The following FOCAD variants were observed in gnomAD, a reference collection of about 807,000 sequenced individuals.
FOCAD encodes the protein focadhesin, also known as KIAA1797.
In FOCAD, 198 loss-of-function variants were observed where a neutral mutation model predicts 225.6. The observed-to-expected ratio is 0.88, with a 90% confidence interval of 0.78 to 0.99. The LOEUF is 0.99. Among genes scored for constraint, FOCAD ranks in the 50% least tolerant of loss-of-function variants. The pLI, the probability that FOCAD is intolerant of heterozygous loss-of-function variation, is 0.00. For synonymous variants in FOCAD, 897 were observed against 755.0 expected (o/e 1.19, Z -3.08); for missense variants, 2,713 against 2,123.6 (o/e 1.28, Z -5.46).
intron 5 of FOCAD, among the ~76,000 whole-genome samples, chr9:20,750,022 G>A (rs1828404706): frequency 6.6e-6 from 1 of 152,130 alleles, no homozygotes; most frequent in South Asian, 2.1e-4. Flanking sequence ...GCTCTGTGCT[G>A]TTGATGATAT....
Position 20,929,360 on chromosome 9 carries a change from G to T in FOCAD, c.3081G>T (p.Lys1027Asn), listed in dbSNP as rs1175855098. Residue 1027 changes from lysine (K) to asparagine (N), a missense_variant and splice_region_variant, in exon 27 of 44, where the codon AAG becomes AAT. Lys to Asn is a moderately conservative substitution (Grantham distance 94, BLOSUM62 0). Transcript: ENST00000338382. ...TTTCTTTCTTTGGCATGTCCTAGAA[G>T]TCCTATTCTGGTGAAAACACAGCTA... Reference protein sequence around the residue: ...RGQLLSWFYYKSYSGENTASA... With the variant: ...RGQLLSWFYYNSYSGENTASA... The T allele has an allele frequency of 6.2e-7, 1 of 1,613,576 alleles. No homozygotes were observed. The highest frequency in any genetic ancestry group is 8.5e-7 in the Non-Finnish European group (1 of 1,179,530).
chr9:20,911,232 G>A (rs1173093078), intron 22 of FOCAD, among the ~76,000 whole-genome samples: 1 of 152,096 alleles, frequency 6.6e-6, no homozygotes, highest in Non-Finnish European at 1.5e-5. Flanking sequence ...TGAAAGTATG[G>A]AGAATGAGGA....
chr9:20,792,628 T>C (rs1383913099), intron 11 of FOCAD, among the ~76,000 whole-genome samples: 2 of 152,228 alleles, frequency 1.3e-5, no homozygotes, highest in Admixed American at 1.3e-4. Flanking sequence ...GGTATTTTAT[T>C]TTCTTTTTAC....
chr9:20,859,468 T>C (rs1828554905), intron 15 of FOCAD, among the ~76,000 whole-genome samples: 1 of 151,316 alleles, frequency 6.6e-6, no homozygotes, highest in Admixed American at 6.6e-5. Context: ...ACTTTGAAGA[T>C]TGTTGTTTTG....
At chr9:20,823,418 A>G (rs1270103444) in intron 15 of FOCAD, among the ~76,000 whole-genome samples, 3 of 152,072 alleles carry the variant, frequency 2.0e-5, no homozygotes, top group Non-Finnish European at 4.4e-5. Context: ...GAACTCTAGA[A>G]TATAGTTGCT....
chr9:20,813,681 A>C (rs1414515247), intron 11 of FOCAD, among the ~76,000 whole-genome samples: 1 of 152,158 alleles, frequency 6.6e-6, no homozygotes, highest in Admixed American at 6.6e-5. Context: ...TTCGGTGTGC[A>C]CCTGAGAGAG....
At chr9:20,981,745 T>C in intron 38 of FOCAD, 59 bp downstream of exon 38, 1 of 1,549,462 alleles carries the variant, frequency 6.5e-7, no homozygotes, top group Non-Finnish European at 8.7e-7. Context: ...TTTAAAGGCT[T>C]CTTGGCAAAG....
chr9:20,955,568 C>G (rs184057968), intron 35 of FOCAD, among the ~76,000 whole-genome samples: 96 of 145,034 alleles, frequency 6.6e-4, no homozygotes, highest in African/African-American at 2.3e-3. Flanking sequence ...TCTTTCTTCT[C>G]TCATAGCCCT....
chr9:20,887,047 A>G (rs544943951), intron 21 of FOCAD, among the ~76,000 whole-genome samples: 2 of 152,254 alleles, frequency 1.3e-5, no homozygotes, highest in African/African-American at 4.8e-5. Context: ...GATTCTAGAA[A>G]TACATTTGGA....
chr9:20,988,303 C>A, intron 40 of FOCAD, 29 bp from the exon 41 acceptor site: 5 of 1,376,386 alleles, frequency 3.6e-6, no homozygotes, highest in South Asian at 1.2e-5. Context: ...AAACCATGGT[C>A]TAGTAAGAAA....
At chr9:20,718,531 T>C (rs1825523704) in intron 3 of FOCAD, among the ~76,000 whole-genome samples, 2 of 152,226 alleles carry the variant, frequency 1.3e-5, no homozygotes, top group East Asian at 3.8e-4. Context: ...AGAAATAAAT[T>C]GATTTCCTTT....
At chr9:20,760,906 G>T (rs984178068) in intron 6 of FOCAD, among the ~76,000 whole-genome samples, 2 of 151,954 alleles carry the variant, frequency 1.3e-5, no homozygotes, top group Admixed American at 6.6e-5. Context: ...TATGAGTAGC[G>T]ATTCACAACT....
Position 20,839,426 on chromosome 9 carries a change from T to C in FOCAD, c.1920+16311T>C, listed in dbSNP as rs563860182. Among the ~76,000 whole-genome samples, 10 of 151,912 alleles carry C rather than the reference T, an allele frequency of 6.6e-5. No individual in the cohort carries two copies. In the East Asian group the frequency reaches 1.9e-3, roughly 29 times the overall value. On this transcript the variant is annotated intron_variant, in intron 15 of 43. Coordinates refer to ENST00000338382, the MANE Select transcript of FOCAD (RefSeq NM_001375567.1). ...GGTGTGCAGACCCGTGCCTGACTAA[T>C]TGTTTTTGTATTTTTTGTAGAGACT...
chr9:20,770,477 G>A (rs1311659793), intron 8 of FOCAD, among the ~76,000 whole-genome samples: 1 of 151,264 alleles, frequency 6.6e-6, no homozygotes, highest in African/African-American at 2.4e-5. Context: ...GAGGAGTGGC[G>A]AGATACTACA....
At chr9:20,710,964 C>G (rs754111421) in intron 1 of FOCAD, among the ~76,000 whole-genome samples, 1 of 152,210 alleles carries the variant, frequency 6.6e-6, no homozygotes, top group Non-Finnish European at 1.5e-5. Context: ...CAGAACACAG[C>G]TATAGTCATT....
intron 25 of FOCAD, among the ~76,000 whole-genome samples, chr9:20,924,713 A>T (rs535009295): frequency 1.3e-5 from 2 of 152,188 alleles, no homozygotes; most frequent in African/African-American, 4.8e-5. Flanking sequence ...CCAAAAAGGA[A>T]CAGGAAGTAT....
At chr9:20,664,978 G>C (rs1371433570) in intron 2 of FOCAD, among the ~76,000 whole-genome samples, 4 of 151,596 alleles carry the variant, frequency 2.6e-5, no homozygotes, top group Non-Finnish European at 5.9e-5. Context: ...ACAGAGAAAT[G>C]ATAAAACTAG....
Position 20,951,032 on chromosome 9 carries a change from A to G in FOCAD, c.3985A>G (p.Asn1329Asp). The change falls in exon 34 of 44, where the codon AAT becomes GAT. Residue 1329 changes from asparagine (N) to aspartate (D), a missense_variant. Transcript: ENST00000338382. ...SVSGVIGLQS[N>D]AVWLLGHLHL... ...CTCTGGGGTGATTGGTCTCCAGTCA[A>G]ATGCAGTCTGGCTTCTTGGACATCT... 6.2e-7 allele frequency: 1 copy of G among 1,613,584 alleles called. No homozygotes were observed. Among genetic ancestry groups the G allele is most frequent in the Non-Finnish European group, 8.5e-7 (1 of 1,179,634 alleles).
rs561570801 is a variant in FOCAD at position 20,723,579 on chromosome 9, C to CT, written c.287+3046dup. 3.3e-3 allele frequency among the ~76,000 whole-genome samples: 498 copies of CT among 152,340 alleles called. 3 individuals are homozygous for CT. The highest frequency in any genetic ancestry group is 9.1e-3 in the African/African-American group (378 of 41,580). ...CAAAGCCTCTGTCCTATCCCAGTATCTGTGTTTTATCCCCCCTGTGGAAGA... is the reference window on the plus strand; with the variant it reads ...CAAAGCCTCTGTCCTATCCCAGTATCTTGTGTTTTATCCCCCCTGTGGAAGA... On this transcript the variant is annotated intron_variant, in intron 4 of 43. Transcript: ENST00000338382.
Sources: gnomAD v4.1 joint callset for allele counts (sites outside exome capture counted in the v4.1 genomes callset) on GRCh38, gnomAD v4.1.1 for gene constraint, MANE v1.5 for transcripts, NCBI Gene and HGNC (gene_info 2026-07-23, HGNC 2026-07-21) for gene names.